The following DOK6 variants were observed in gnomAD, a reference collection of about 807,000 sequenced individuals.
The protein encoded by DOK6 is downstream of tyrosine kinase 6.
A neutral mutation model predicts 44.0 loss-of-function variants in DOK6; 22 were observed. That is an observed-to-expected ratio of 0.50 (90% confidence interval 0.36 to 0.71). DOK6 has a LOEUF of 0.71. Among genes scored for constraint, DOK6 ranks in the 30% least tolerant of loss-of-function variants. DOK6 has a pLI of 0.00. For synonymous variants in DOK6, 166 were observed against 145.5 expected (o/e 1.14, Z -1.01); for missense variants, 340 against 416.4 (o/e 0.82, Z 1.60).
chr18:69,786,225 T>C (rs1352192976), intron 7 of DOK6, among the ~76,000 whole-genome samples: 1 of 152,170 alleles, frequency 6.6e-6, no homozygotes, highest in African/African-American at 2.4e-5. Flanking sequence ...AGGCCTATAT[T>C]CTCAGAAAAC....
intron 7 of DOK6, among the ~76,000 whole-genome samples, chr18:69,781,051 C>A (rs1342704476): frequency 6.6e-6 from 1 of 152,046 alleles, no homozygotes; most frequent in East Asian, 1.9e-4. Context: ...CTTTGCAATC[C>A]CCACAAACAA....
chr18:69,502,782 G>C (rs2165718), intron 1 of DOK6, among the ~76,000 whole-genome samples: 25,101 of 152,052 alleles, frequency 0.17, 2,697 homozygotes, highest in Non-Finnish European at 0.24. Flanking sequence ...CCTTTATAAA[G>C]TACTATGAAT....
At chr18:69,611,596 A>G (rs1236728971) in intron 3 of DOK6, among the ~76,000 whole-genome samples, 1 of 152,040 alleles carries the variant, frequency 6.6e-6, no homozygotes. Context: ...GTCCTTCAAC[A>G]AACTGTGGTA....
Position 69,840,610 on chromosome 18 carries a change from T to C in DOK6, c.857-634T>C, listed in dbSNP as rs2282633. Among the ~76,000 whole-genome samples, 1,333 of 152,380 alleles carry C rather than the reference T, an allele frequency of 8.7e-3. 22 individuals are homozygous for C. Among genetic ancestry groups the C allele is most frequent in the East Asian group, 0.076 (393 of 5,186 alleles). On this transcript the variant is annotated intron_variant, in intron 7 of 7. Transcript: ENST00000382713. ...GAATTTTCTTTAAATGTATTTTGTA[T>C]GGAATTTAACTTTTGGCCATTTTGG...
chr18:69,768,776 G>A (rs1979795771), intron 7 of DOK6, among the ~76,000 whole-genome samples: 1 of 151,784 alleles, frequency 6.6e-6, no homozygotes, highest in Non-Finnish European at 1.5e-5. Flanking sequence ...CTAGCACAGT[G>A]GTGGGCAGGT....
Position 69,401,283 on chromosome 18 carries a change from C to A in DOK6, c.39C>A (p.Tyr13Ter). The A allele has an allele frequency of 1.3e-6, 2 of 1,583,956 alleles. No individual in the cohort carries two copies. Among genetic ancestry groups the A allele is most frequent in the Non-Finnish European group, 1.7e-6 (2 of 1,165,690 alleles). ...TTAACGACATAGTCAAGCAGGGCTACGTGAAAATCCGCAGCAGGAAGCTTG... is the reference window on the plus strand; with the variant it reads ...TTAACGACATAGTCAAGCAGGGCTAAGTGAAAATCCGCAGCAGGAAGCTTG... ...SNFNDIVKQGYVKIRSRKLGI... is the reference protein window; with the variant it reads ...SNFNDIVKQG Residue 13 changes from tyrosine (Y) to a stop codon, truncating the protein, a stop_gained, in exon 1 of 8, where the codon TAC (tyrosine) becomes TAA (stop). Coordinates refer to ENST00000382713, the MANE Select transcript of DOK6 (RefSeq NM_152721.6). LOFTEE classifies it high-confidence loss of function.
intron 1 of DOK6, among the ~76,000 whole-genome samples, chr18:69,553,489 A>T (rs1982614827): frequency 6.6e-6 from 1 of 152,188 alleles, no homozygotes; most frequent in Non-Finnish European, 1.5e-5. Flanking sequence ...CTTTGGAGAC[A>T]GACAAATGCA....
At chr18:69,464,542 T>G (rs1681850531) in intron 1 of DOK6, among the ~76,000 whole-genome samples, 2 of 152,256 alleles carry the variant, frequency 1.3e-5, no homozygotes, top group Admixed American at 6.5e-5. Flanking sequence ...TATTTCACCA[T>G]CTTCAGTCTA....
intron 1 of DOK6, among the ~76,000 whole-genome samples, chr18:69,538,384 C>CT (rs202223154): frequency 3.4e-4 from 51 of 150,890 alleles, no homozygotes; most frequent in Admixed American, 6.0e-4. Context: ...TCCATTTCTC[C>CT]TTTTTTTTTC....
intron 1 of DOK6, among the ~76,000 whole-genome samples, chr18:69,406,489 G>A (rs1341572542): frequency 6.6e-6 from 1 of 152,144 alleles, no homozygotes; most frequent in African/African-American, 2.4e-5. Context: ...TGGGAGAGGT[G>A]GGTAAATCAG....
chr18:69,768,840 G>T (rs1424717559), intron 7 of DOK6, among the ~76,000 whole-genome samples: 1 of 151,742 alleles, frequency 6.6e-6, no homozygotes, highest in African/African-American at 2.4e-5. Flanking sequence ...ACAATTAATA[G>T]ACACTAACTG....
At chr18:69,449,783 C>A (rs1255602731) in intron 1 of DOK6, among the ~76,000 whole-genome samples, 2 of 151,324 alleles carry the variant, frequency 1.3e-5, no homozygotes, top group Admixed American at 6.6e-5. Flanking sequence ...CTGGGAGGCA[C>A]CCCCCAGCAG....
intron 6 of DOK6, among the ~76,000 whole-genome samples, chr18:69,740,010 A>C (rs1292280448): frequency 6.6e-6 from 1 of 152,208 alleles, no homozygotes; most frequent in Admixed American, 6.5e-5. Flanking sequence ...AAGTAGCTTA[A>C]ATGATCATAT....
chr18:69,424,012 G>A (rs1342929845), intron 1 of DOK6, among the ~76,000 whole-genome samples: 1 of 152,282 alleles, frequency 6.6e-6, no homozygotes, highest in East Asian at 1.9e-4. Context: ...TGTACAGAAT[G>A]TGATTTCCTG....
chr18:69,479,819 G>C (rs1980369464), intron 1 of DOK6, among the ~76,000 whole-genome samples: 1 of 152,050 alleles, frequency 6.6e-6, no homozygotes, highest in Non-Finnish European at 1.5e-5. Context: ...TTTTATAAAG[G>C]GCTTTGAATG....
At chr18:69,667,545 T>TA (rs1168540743) in intron 3 of DOK6, among the ~76,000 whole-genome samples, 1 of 152,226 alleles carries the variant, frequency 6.6e-6, no homozygotes, top group Admixed American at 6.5e-5. Context: ...TTAAGGTAGC[T>TA]ATGCTCTCCA....
At position 69,595,701 on chromosome 18, in the gene DOK6, A is replaced by G. The variant is rs183481252; in HGVS notation, c.175-3683A>G. Among the ~76,000 whole-genome samples, 13 of 152,286 alleles carry G rather than the reference A, an allele frequency of 8.5e-5. No homozygotes were observed. In the East Asian group the frequency reaches 2.3e-3, roughly 27 times the overall value. On this transcript the variant is annotated intron_variant, in intron 2 of 7. Transcript: ENST00000382713. ...TATCCTTCTTAGTGCCTCAAACTAG[A>G]GTCTATTTAGATATGTTACAACAAA...
chr18:69,624,343 T>C (rs1984508495), intron 3 of DOK6, among the ~76,000 whole-genome samples: 1 of 152,124 alleles, frequency 6.6e-6, no homozygotes. Flanking sequence ...TGAAGTATTT[T>C]TAAGATATAG....
chr18:69,552,242 G>A (rs942239500), intron 1 of DOK6, among the ~76,000 whole-genome samples: 1 of 151,768 alleles, frequency 6.6e-6, no homozygotes, highest in Non-Finnish European at 1.5e-5. Flanking sequence ...AGAGTGTTTT[G>A]GAAAAATAAA....
Sources: gnomAD v4.1 joint callset for allele counts (sites outside exome capture counted in the v4.1 genomes callset) on GRCh38, gnomAD v4.1.1 for gene constraint, MANE v1.5 for transcripts, NCBI Gene and HGNC (gene_info 2026-07-23, HGNC 2026-07-21) for gene names.